CA10: variants seen among roughly 807,000 people sequenced by gnomAD.
CA10 encodes the protein carbonic anhydrase-related protein 10.
In CA10, 14 loss-of-function variants were observed where a neutral mutation model predicts 44.2. The ratio of observed to expected loss-of-function variants is 0.32; its 90% CI spans 0.21 to 0.50. The LOEUF (loss-of-function observed/expected upper bound fraction) is 0.50, where lower values mean the gene tolerates loss of function less well. Among genes scored for constraint, CA10 ranks in the 20% least tolerant of loss-of-function variants. The pLI, the probability that CA10 is intolerant of heterozygous loss-of-function variation, is 0.99. For synonymous variants in CA10, 159 were observed against 141.6 expected, an observed-to-expected ratio of 1.12 and a Z score of -0.87; for missense variants, 350 against 409.7, an observed-to-expected ratio of 0.85 and a Z score of 1.26.
chr17:52,069,812 A>G (rs1987632958), intron 2 of CA10, among the ~76,000 whole-genome samples: 1 of 152,182 alleles, frequency 6.6e-6, no homozygotes, highest in Admixed American at 6.5e-5. Flanking sequence ...CAGATTCACA[A>G]CTGTTATGCC....
intron 2 of CA10, among the ~76,000 whole-genome samples, chr17:51,953,656 T>C (rs1220153294): frequency 1.3e-5 from 2 of 152,104 alleles, no homozygotes; most frequent in Non-Finnish European, 2.9e-5. Context: ...AAAGGAGCAC[T>C]GTGTATATTT....
At position 52,088,405 on chromosome 17, in the gene CA10, A is replaced by G. The variant is rs141692455; in HGVS notation, c.62-16012T>C. On this transcript the variant is annotated intron_variant, in intron 1 of 8. Coordinates refer to ENST00000451037, the MANE Select transcript of CA10 (RefSeq NM_020178.5). Reference sequence around the variant, plus strand: ...CAATGAGATTCTGTCTTGTTGGCTTATAGAAAAGTGACTCTAGAGGAGTAT... The same window carrying G: ...CAATGAGATTCTGTCTTGTTGGCTTGTAGAAAAGTGACTCTAGAGGAGTAT... 3.0e-3 allele frequency among the ~76,000 whole-genome samples: 462 copies of G among 152,312 alleles called. 2 individuals are homozygous for G. In the Middle Eastern group the frequency reaches 0.041, roughly 13 times the overall value.
intron 3 of CA10, among the ~76,000 whole-genome samples, chr17:51,900,142 G>T (rs114253252): frequency 3.9e-5 from 6 of 152,042 alleles, no homozygotes; most frequent in Non-Finnish European, 7.4e-5. Context: ...CTACACATTT[G>T]TGTGTTCCTG....
chr17:51,764,722 C>T (rs1308390520), intron 3 of CA10, among the ~76,000 whole-genome samples: 2 of 152,214 alleles, frequency 1.3e-5, no homozygotes, highest in East Asian at 3.8e-4. Context: ...ATGCTCCTAG[C>T]ATCTCCGTAT....
chr17:51,715,551 A>G (rs987658665), intron 4 of CA10, among the ~76,000 whole-genome samples: 2 of 152,134 alleles, frequency 1.3e-5, no homozygotes, highest in African/African-American at 4.8e-5. Context: ...CCATCCCCTC[A>G]AGTATTTACC....
intron 4 of CA10, among the ~76,000 whole-genome samples, chr17:51,736,347 T>C (rs1208209082): frequency 3.3e-5 from 5 of 152,224 alleles, no homozygotes; most frequent in African/African-American, 1.2e-4. Context: ...AGAAAATGCT[T>C]GACCCCCACA....
At chr17:51,851,534 G>A (rs890395572) in intron 3 of CA10, among the ~76,000 whole-genome samples, 5 of 152,184 alleles carry the variant, frequency 3.3e-5, no homozygotes, top group Admixed American at 2.6e-4. Flanking sequence ...CATGTAGCAG[G>A]TGAATGAGAA....
chr17:52,084,111 C>A (rs1401325731), intron 1 of CA10, among the ~76,000 whole-genome samples: 2 of 152,154 alleles, frequency 1.3e-5, no homozygotes, highest in East Asian at 1.9e-4. Context: ...ACTTGGGGAA[C>A]AGAATATAAG....
Position 51,900,591 on chromosome 17 carries a change from T to G in CA10, c.279+30399A>C, listed in dbSNP as rs1157166215. ...GTTGGCCTAACAAGGTTGGAGAAAT[T>G]TTCATGAACCATATCTTCAAGTATA... On this transcript the variant is annotated intron_variant, in intron 3 of 8. Transcript: ENST00000451037. Among the ~76,000 whole-genome samples the G allele has an allele frequency of 4.6e-5, 7 of 152,180 alleles. No homozygotes were observed. In the East Asian group the frequency reaches 1.3e-3, roughly 29 times the overall value.
chr17:51,872,689 T>C (rs1287956527), intron 3 of CA10, among the ~76,000 whole-genome samples: 2 of 152,222 alleles, frequency 1.3e-5, no homozygotes, highest in Non-Finnish European at 2.9e-5. Context: ...CAAGAGCCAA[T>C]TGTTAAATTT....
intron 3 of CA10, among the ~76,000 whole-genome samples, chr17:51,899,493 C>T (rs1005735765): frequency 2.0e-5 from 3 of 151,626 alleles, no homozygotes; most frequent in South Asian, 4.2e-4. Context: ...TTTTAGAGTG[C>T]CATGTGTAGA....
intron 2 of CA10, among the ~76,000 whole-genome samples, chr17:52,039,206 TTCTC>T (rs767212555): frequency 1.2e-4 from 18 of 152,274 alleles, no homozygotes; most frequent in Admixed American, 2.0e-4. Flanking sequence ...TTAGACAAAT[TTCTC>T]TCTGAGTATT....
At chr17:51,671,399 T>TTTTTTG (rs906422525) in intron 4 of CA10, among the ~76,000 whole-genome samples, 2 of 84,868 alleles carry the variant, frequency 2.4e-5, no homozygotes, top group Admixed American at 1.3e-4. Flanking sequence ...TTGGGTCATT[T>TTTTTTG]TTTTTGTTTT....
chr17:52,056,157 T>C (rs1987224136), intron 2 of CA10, among the ~76,000 whole-genome samples: 2 of 151,968 alleles, frequency 1.3e-5, no homozygotes, highest in South Asian at 4.1e-4. Context: ...AAAGGAACCC[T>C]CAAATCTATA....
intron 3 of CA10, among the ~76,000 whole-genome samples, chr17:51,891,403 G>C (rs555583133): frequency 1.3e-5 from 2 of 152,332 alleles, no homozygotes; most frequent in African/African-American, 4.8e-5. Context: ...CTGTTGAATG[G>C]GGAAGTCAGA....
At chr17:51,817,874 C>T (rs1907625395) in intron 3 of CA10, among the ~76,000 whole-genome samples, 1 of 152,160 alleles carries the variant, frequency 6.6e-6, no homozygotes, top group Non-Finnish European at 1.5e-5. Flanking sequence ...TAAAGACAAG[C>T]ATAGTCAAAG....
chr17:51,962,055 C>A (rs1220690406), intron 2 of CA10, among the ~76,000 whole-genome samples: 1 of 152,178 alleles, frequency 6.6e-6, no homozygotes, highest in Non-Finnish European at 1.5e-5. Flanking sequence ...TGAAGCAGGG[C>A]CCTCTCTGCC....
intron 4 of CA10, among the ~76,000 whole-genome samples, chr17:51,729,888 T>C (rs1916656879): frequency 6.6e-6 from 1 of 152,194 alleles, no homozygotes; most frequent in Non-Finnish European, 1.5e-5. Context: ...TAGGAATCTC[T>C]CCTAAATGGC....
At chr17:52,152,771 C>A (rs1989729953) in intron 1 of CA10, among the ~76,000 whole-genome samples, 1 of 152,058 alleles carries the variant, frequency 6.6e-6, no homozygotes, top group Non-Finnish European at 1.5e-5. Context: ...TTTACACTTG[C>A]ATAATGCAAA....
Sources: gnomAD v4.1 joint callset for allele counts (sites outside exome capture counted in the v4.1 genomes callset) on GRCh38, gnomAD v4.1.1 for gene constraint, MANE v1.5 for transcripts, NCBI Gene and HGNC (gene_info 2026-07-23, HGNC 2026-07-21) for gene names.